The following RPS6KA2 variants were observed in gnomAD, a reference collection of about 807,000 sequenced individuals.
RPS6KA2 encodes ribosomal protein S6 kinase A2.
RPS6KA2 carries 42 observed loss-of-function variants against 91.8 expected under a neutral mutation model. The ratio of observed to expected loss-of-function variants is 0.46; its 90% CI spans 0.36 to 0.59. RPS6KA2 has a LOEUF of 0.59. Among genes scored for constraint, RPS6KA2 ranks in the 20% least tolerant of loss-of-function variants. The probability of loss-of-function intolerance (pLI) is 0.00; values close to 1 mark genes in which losing one functional copy is unlikely to be tolerated. For synonymous variants in RPS6KA2, 414 were observed against 393.6 expected (o/e 1.05, Z -0.61); for missense variants, 798 against 978.5 (o/e 0.82, Z 2.46).
chr6:166,763,485 C>T (rs1389378927), intron 2 of RPS6KA2, among the ~76,000 whole-genome samples: 6 of 152,158 alleles, frequency 3.9e-5, no homozygotes, highest in Admixed American at 6.5e-5. Flanking sequence ...AGAGTGACTA[C>T]TTCATCTGGT....
At chr6:166,652,117 A>G (rs1237309293) in intron 2 of RPS6KA2, among the ~76,000 whole-genome samples, 1 of 152,276 alleles carries the variant, frequency 6.6e-6, no homozygotes, top group Non-Finnish European at 1.5e-5. Context: ...ACATATGAAG[A>G]GTAAAAGTCA....
intron 2 of RPS6KA2, among the ~76,000 whole-genome samples, chr6:166,750,943 A>T (rs1791262643): frequency 6.6e-6 from 1 of 152,222 alleles, no homozygotes. Context: ...CAACTCTCTG[A>T]GGGGACAAAT....
At chr6:166,453,014 A>G (rs920806116) in intron 12 of RPS6KA2, among the ~76,000 whole-genome samples, 2 of 152,134 alleles carry the variant, frequency 1.3e-5, no homozygotes, top group Non-Finnish European at 2.9e-5. Context: ...TCTGGCCAAC[A>G]TAGTGAAACC....
intron 2 of RPS6KA2, among the ~76,000 whole-genome samples, chr6:166,728,621 T>C (rs781451297): frequency 2.6e-5 from 4 of 152,258 alleles, no homozygotes; most frequent in Admixed American, 6.5e-5. Flanking sequence ...TCCAGACAAA[T>C]TGCTTGACCA....
At chr6:166,769,937 T>TA (rs1313329957) in intron 2 of RPS6KA2, among the ~76,000 whole-genome samples, 1 of 152,262 alleles carries the variant, frequency 6.6e-6, no homozygotes, top group East Asian at 1.9e-4. Context: ...TTTAACCTTA[T>TA]TATATTTTTG....
intron 2 of RPS6KA2, among the ~76,000 whole-genome samples, chr6:166,745,935 G>C (rs993986074): frequency 4.6e-5 from 7 of 152,224 alleles, no homozygotes; most frequent in African/African-American, 1.4e-4. Flanking sequence ...TATTAATGTT[G>C]CTGCTGTGGT....
At chr6:166,422,101 T>C (rs947758393) in intron 17 of RPS6KA2, among the ~76,000 whole-genome samples, 2 of 152,146 alleles carry the variant, frequency 1.3e-5, no homozygotes, top group African/African-American at 4.8e-5. Context: ...GGTTTCACCA[T>C]GTTGGCCAGG....
chr6:166,443,029 G>A (rs965597392), intron 14 of RPS6KA2, among the ~76,000 whole-genome samples: 4 of 151,880 alleles, frequency 2.6e-5, no homozygotes, highest in Non-Finnish European at 5.9e-5. Context: ...TAACATAAAC[G>A]GTCCATTAAC....
intron 2 of RPS6KA2, among the ~76,000 whole-genome samples, chr6:166,534,221 C>CAAAAAA (rs34585369): frequency 8.4e-5 from 5 of 59,338 alleles, no homozygotes; most frequent in African/African-American, 2.0e-4. Context: ...GACTCTGTCT[C>CAAAAAA]AAAAAAAAAA....
intron 6 of RPS6KA2, among the ~76,000 whole-genome samples, chr6:166,502,362 A>G (rs1171161081): frequency 2.0e-5 from 3 of 152,266 alleles, no homozygotes; most frequent in Non-Finnish European, 4.4e-5. Context: ...CCTTTTGGGC[A>G]TATTCAATCT....
At chr6:166,528,599 C>T (rs1395042759) in intron 3 of RPS6KA2, among the ~76,000 whole-genome samples, 1 of 151,004 alleles carries the variant, frequency 6.6e-6, no homozygotes, top group African/African-American at 2.4e-5. Flanking sequence ...AGCTTCCACA[C>T]AGCAAAAGAA....
chr6:166,586,583 G>A (rs528212222), intron 1 of RPS6KA2: 2 of 1,059,430 alleles, frequency 1.9e-6, no homozygotes, highest in Admixed American at 4.8e-5. Flanking sequence ...CCGCCGGCGA[G>A]ACACTGAGAA....
rs9457170 is a variant in RPS6KA2, at chr6:166,448,470, A to G, written c.1332+254T>C. Among the ~76,000 whole-genome samples, 13,202 of 152,182 alleles carry G rather than the reference A, an allele frequency of 0.087. 1,114 individuals carry two copies. Among genetic ancestry groups the G allele is most frequent in the African/African-American group, 0.22 (8,925 of 41,478 alleles). ...AGCAAACTGAACTCCATCATATCAGAGCTTGGAAAATGGCAAATGGAGAGA... is the reference window on the plus strand; with the variant it reads ...AGCAAACTGAACTCCATCATATCAGGGCTTGGAAAATGGCAAATGGAGAGA... On this transcript the variant is annotated intron_variant, in intron 14 of 20. Transcript: ENST00000265678. This position sits in a 1 kb window ranked among gnomAD's most constrained non-coding sequence, Gnocchi z 4.7.
chr6:166,575,965 CCA>C (rs1784826699), intron 1 of RPS6KA2, among the ~76,000 whole-genome samples: 1 of 152,178 alleles, frequency 6.6e-6, no homozygotes, highest in Admixed American at 6.5e-5. Context: ...CCCATAATTC[CCA>C]TGTGTTGTAG....
chr6:166,542,789 C>A (rs116640225), intron 1 of RPS6KA2, among the ~76,000 whole-genome samples: 1 of 152,144 alleles, frequency 6.6e-6, no homozygotes, highest in African/African-American at 2.4e-5. Flanking sequence ...CTTCTTAGGT[C>A]ATTTCCTCTG....
At position 166,490,091 on chromosome 6, in the gene RPS6KA2, G is replaced by C. The variant is rs1362452551; in HGVS notation, c.818+580C>G. On this transcript the variant is annotated intron_variant, in intron 9 of 20. Transcript: ENST00000265678. This position sits in a 1 kb window ranked among gnomAD's most constrained non-coding sequence, Gnocchi z 4.2. ...TCAGGCTTCTTCCTACAGTCCAAGAGCAAAACCTTGGCTTAGTAAATGATT... is the reference window on the plus strand; with the variant it reads ...TCAGGCTTCTTCCTACAGTCCAAGACCAAAACCTTGGCTTAGTAAATGATT... Among the ~76,000 whole-genome samples, 1 of 152,160 alleles carries C rather than the reference G, an allele frequency of 6.6e-6. No individual in the cohort carries two copies. The highest frequency in any genetic ancestry group is 1.5e-5 in the Non-Finnish European group (1 of 68,044).
At chr6:166,696,876 C>T (rs1204481664) in intron 2 of RPS6KA2, among the ~76,000 whole-genome samples, 1 of 152,202 alleles carries the variant, frequency 6.6e-6, no homozygotes, top group Non-Finnish European at 1.5e-5. Flanking sequence ...GGTTTTGAGC[C>T]TTCCAGCTCT....
intron 10 of RPS6KA2, among the ~76,000 whole-genome samples, chr6:166,479,393 C>T (rs982039667): frequency 1.1e-4 from 17 of 152,372 alleles, no homozygotes; most frequent in African/African-American, 2.6e-4. Flanking sequence ...GCCCCAGCCA[C>T]GGCGAGGTGG....
chr6:166,679,829 G>C (rs1011060083), intron 2 of RPS6KA2, among the ~76,000 whole-genome samples: 1 of 152,232 alleles, frequency 6.6e-6, no homozygotes, highest in African/African-American at 2.4e-5. Flanking sequence ...AGGTGAGCGC[G>C]GCTCGGCAAG....
Sources: allele counts gnomAD v4.1 joint callset (sites outside exome capture counted in the v4.1 genomes callset), GRCh38; gene constraint gnomAD v4.1.1; non-coding constraint Gnocchi (gnomAD v3.1); transcripts MANE v1.5; gene names NCBI Gene and HGNC (gene_info 2026-07-23, HGNC 2026-07-21).